The following CYB5RL variants were observed in gnomAD, a reference collection of about 807,000 sequenced individuals.
CYB5RL encodes the protein cytochrome b5 reductase like, also known as NADH-cytochrome b5 reductase-like.
A neutral mutation model predicts 37.5 loss-of-function variants in CYB5RL; 38 were observed. That is an observed-to-expected ratio of 1.01 (90% CI 0.78 to 1.33). CYB5RL has a LOEUF of 1.33. CYB5RL is among the 40% of genes most tolerant of loss of function. The probability of loss-of-function intolerance (pLI) is 0.00; values close to 1 mark genes in which losing one functional copy is unlikely to be tolerated. For missense variants in CYB5RL, 388 were observed against 394.4 expected, an observed-to-expected ratio of 0.98 and a Z score of 0.14; for synonymous variants, 141 against 151.9, an observed-to-expected ratio of 0.93 and a Z score of 0.53.
chr1:54,199,808 T>G (rs577179443), intron 1 of CYB5RL, among the ~76,000 whole-genome samples, 168 bp downstream of exon 1: 2 of 152,296 alleles, frequency 1.3e-5, no homozygotes, highest in African/African-American at 4.8e-5. Context: ...CAGCGCGCTG[T>G]ACAGGTGCAA....
chr1:54,194,910 A>G (rs1253858552), intron 3 of CYB5RL, among the ~76,000 whole-genome samples: 1 of 152,234 alleles, frequency 6.6e-6, no homozygotes, highest in African/African-American at 2.4e-5. Context: ...CAAACATTAC[A>G]ATAAAGGGCT....
chr1:54,180,832 G>A (rs1228332091), intron 6 of CYB5RL, among the ~76,000 whole-genome samples: 2 of 152,100 alleles, frequency 1.3e-5, no homozygotes, highest in Admixed American at 6.6e-5. Flanking sequence ...TCTCAGAACT[G>A]TTACCAGGAT....
chr1:54,195,931 G>C (rs1453648733), intron 2 of CYB5RL, among the ~76,000 whole-genome samples: 1 of 152,210 alleles, frequency 6.6e-6, no homozygotes, highest in Non-Finnish European at 1.5e-5. Flanking sequence ...AGAGGAAAGG[G>C]TTTGGCTTCA....
chr1:54,194,682 G>A (rs1457545791), intron 3 of CYB5RL, among the ~76,000 whole-genome samples: 1 of 152,214 alleles, frequency 6.6e-6, no homozygotes, highest in South Asian at 2.1e-4. Context: ...ATGCCAGATG[G>A]CATTGAGAGA....
At chr1:54,198,731 A>G (rs554142801) in intron 1 of CYB5RL, among the ~76,000 whole-genome samples, 4 of 145,736 alleles carry the variant, frequency 2.7e-5, no homozygotes, top group African/African-American at 7.6e-5. Context: ...TCCGAGGCCC[A>G]AGTGATCCTC....
chr1:54,189,758 G>A (rs1032233754), intron 4 of CYB5RL, among the ~76,000 whole-genome samples: 2 of 152,190 alleles, frequency 1.3e-5, no homozygotes, highest in East Asian at 1.9e-4. Flanking sequence ...CTGGGATAGT[G>A]AACTTCTAGG....
intron 7 of CYB5RL, among the ~76,000 whole-genome samples, chr1:54,177,634 A>G (rs975343737): frequency 1.3e-5 from 2 of 152,176 alleles, no homozygotes; most frequent in African/African-American, 4.8e-5. Flanking sequence ...AAGGTTCTTA[A>G]CCATTCTGTG....
chr1:54,191,982 A>C (rs1289881928), intron 3 of CYB5RL, among the ~76,000 whole-genome samples: 1 of 152,094 alleles, frequency 6.6e-6, no homozygotes, highest in Non-Finnish European at 1.5e-5. Flanking sequence ...AAAAAGGGCC[A>C]CTCATCCCTG....
chr1:54,174,476 G>T lies in CYB5RL; in HGVS notation c.*143C>A. The T allele has an allele frequency of 1.1e-6, 1 of 870,520 alleles. No homozygotes were observed. Among genetic ancestry groups the T allele is most frequent in the South Asian group, 1.6e-5 (1 of 62,046 alleles). The allele number at this position is 870,520 out of a possible 1,614,324, so 53.9% of individuals were successfully genotyped here. The stretch of plus-strand genomic sequence containing the variant: ...GGCAGATGAGAAGTAGAGGTTCTGA[G>T]CAGTAAAGACACTTGCCCAAGGTCA... On this transcript the variant is annotated 3_prime_UTR_variant, in exon 8 of 8. Coordinates refer to ENST00000534324, the MANE Select transcript of CYB5RL (RefSeq NM_001031672.4).
At position 54,179,333 on chromosome 1, in the gene CYB5RL, A is replaced by C. The variant is rs756396683; in HGVS notation, c.560T>G (p.Leu187Arg). 1.1e-5 allele frequency: 17 copies of C among 1,613,132 alleles called. No individual in the cohort carries two copies. The highest frequency in any genetic ancestry group is 1.4e-5 in the Non-Finnish European group (16 of 1,179,766). Residue 187 changes from leucine (L) to arginine (R), a missense_variant, in exon 7 of 8, where the codon CTG becomes CGG. Physicochemically the swap from Leu to Arg is moderately radical, Grantham distance 102 (BLOSUM62 -2). Coordinates refer to ENST00000534324, the MANE Select transcript of CYB5RL (RefSeq NM_001031672.4). ...GGGGGCCAGGCCCGTGCCCGCAGCC[A>C]GCAAGAGGAGCTCACCATACTGGGG... ...KPNQYGELLL[L>R]AAGTGLAPMV...
rs760967253 is a variant in CYB5RL at position 54,190,898 on chromosome 1, T to C, written c.199-2A>G. ...TGGGTTCAGCTTGGAGGGGCAGCTC[T>C]GCAACAGGAAGAGATCCAACAGCTA... is the stretch of plus-strand genomic sequence containing the variant. On this transcript the variant is annotated splice_acceptor_variant, in intron 3 of 7. Transcript: ENST00000534324. LOFTEE classifies it high-confidence loss of function. The C allele has an allele frequency of 1.9e-6, 3 of 1,610,982 alleles. No homozygotes were observed. The highest frequency in any genetic ancestry group is 2.7e-5 in the African/African-American group (2 of 74,882).
At chr1:54,196,217 T>A (rs1170030737) in intron 2 of CYB5RL, among the ~76,000 whole-genome samples, 152 bp downstream of exon 2, 1 of 152,216 alleles carries the variant, frequency 6.6e-6, no homozygotes, top group Non-Finnish European at 1.5e-5. Context: ...AGATGAGGTC[T>A]CACTCTGTTG....
chr1:54,176,760 C>G (rs1660029304), intron 7 of CYB5RL, among the ~76,000 whole-genome samples: 1 of 152,210 alleles, frequency 6.6e-6, no homozygotes, highest in East Asian at 1.9e-4. Flanking sequence ...TGCCCTGGGC[C>G]TGGCTGCTGG....
At chr1:54,184,080 G>T in intron 6 of CYB5RL, 81 bp downstream of exon 6, 2 of 1,244,402 alleles carry the variant, frequency 1.6e-6, no homozygotes, top group Non-Finnish European at 1.1e-6. Context: ...AAGGAGAATG[G>T]CACAGTGAGA....
intron 7 of CYB5RL, among the ~76,000 whole-genome samples, chr1:54,176,579 T>A (rs926596277): frequency 2.0e-5 from 3 of 152,182 alleles, no homozygotes; most frequent in Admixed American, 6.5e-5. Context: ...ACAGAGTCTG[T>A]GCTGATGAGG....
chr1:54,174,391 C>G lies in CYB5RL; in HGVS notation c.*228G>C. The G allele has an allele frequency of 1.8e-6, 1 of 556,962 alleles. No homozygotes were observed. The highest frequency in any genetic ancestry group is 3.2e-6 in the Non-Finnish European group (1 of 313,338). 34.5% of individuals were successfully genotyped at this position (556,962 alleles called of 1,614,324 possible). A position where few individuals can be genotyped will look rare whatever the true frequency, so the allele number is the denominator to read the frequency against. ...GGCTGGTTGCTCACCTCCTCAGGGC[C>G]CCTACAGCCCATCCTCCTTCTACAT... is the stretch of plus-strand genomic sequence containing the variant. On this transcript the variant is annotated 3_prime_UTR_variant, in exon 8 of 8. Transcript: ENST00000534324.
In CYB5RL at chr1:54,172,551, C is replaced by T. The variant is rs115120832; in HGVS notation, c.*2068G>A. The T allele has an allele frequency of 8.2e-3, 1,243 of 152,402 alleles. 8 individuals are homozygous for T. The highest frequency in any genetic ancestry group is 0.023 in the Middle Eastern group (7 of 298). 9.4% of individuals were successfully genotyped at this position (152,402 alleles called of 1,614,324 possible). On this transcript the variant is annotated 3_prime_UTR_variant, in exon 8 of 8. Coordinates refer to ENST00000534324, the MANE Select transcript of CYB5RL (RefSeq NM_001031672.4). The stretch of plus-strand genomic sequence containing the variant: ...GCAGTGGTGTGCCCCTGGGCTCTCC[C>T]TAGACTAGGCTAAAGCCCCTGCCAA...
intron 7 of CYB5RL, among the ~76,000 whole-genome samples, chr1:54,177,776 T>C (rs571948115): frequency 1.3e-5 from 2 of 152,164 alleles, no homozygotes; most frequent in Non-Finnish European, 2.9e-5. Context: ...AGGGGAGTCC[T>C]TTTCAGCCGT....
At chr1:54,185,103 A>G (rs2100468683) in intron 5 of CYB5RL, 1 of 152,384 alleles carries the variant, frequency 6.6e-6, no homozygotes, top group South Asian at 2.1e-4. Context: ...GAATGAATCA[A>G]TCAATCAATC....
Sources: allele counts gnomAD v4.1 joint callset (sites outside exome capture counted in the v4.1 genomes callset), GRCh38; gene constraint gnomAD v4.1.1; transcripts MANE v1.5; gene names NCBI Gene and HGNC (gene_info 2026-07-23, HGNC 2026-07-21).